The following GPC3 variants were observed in gnomAD, a reference collection of about 807,000 sequenced individuals.
GPC3 encodes the protein glypican 3.
Under a neutral mutation model 34.4 loss-of-function variants are expected in GPC3, and 3 were observed. The ratio of observed to expected loss-of-function variants is 0.09; its 90% CI spans 0.04 to 0.23. The LOEUF (loss-of-function observed/expected upper bound fraction) is 0.23. Ranked by LOEUF, GPC3 falls within the 10% of genes least tolerant of loss-of-function variation. GPC3 has a pLI of 1.00. For synonymous variants in GPC3, 177 were observed against 174.0 expected, an observed-to-expected ratio of 1.02 and a Z score of -0.13; for missense variants, 351 against 445.6, an observed-to-expected ratio of 0.79 and a Z score of 1.91.
intron 2 of GPC3, among the ~76,000 whole-genome samples, chrX:133,774,462 T>C: frequency 9.0e-6 from 1 of 110,988 alleles, no homozygotes; most frequent in East Asian, 2.8e-4. Flanking sequence ...TACTGATAAA[T>C]AACATAGGAA....
chrX:133,791,380 G>A (rs1448449968), intron 2 of GPC3, among the ~76,000 whole-genome samples: 3 of 111,565 alleles, frequency 2.7e-5, no homozygotes, highest in East Asian at 2.8e-4. Flanking sequence ...GACTTTCTGC[G>A]CAAAAGATAC....
chrX:133,759,455 C>CAT (rs1399601001), intron 2 of GPC3, among the ~76,000 whole-genome samples: 1 of 111,590 alleles, frequency 9.0e-6, no homozygotes, highest in Non-Finnish European at 1.9e-5. Flanking sequence ...GAAATAGACC[C>CAT]ACACAAATAC....
chrX:133,862,935 A>T (rs1300681660), intron 2 of GPC3, among the ~76,000 whole-genome samples: 1 of 112,548 alleles, frequency 8.9e-6, no homozygotes, highest in Non-Finnish European at 1.9e-5. Flanking sequence ...GAGTTTGCAT[A>T]CTGTAGAAGC....
At chrX:133,817,888 CT>C (rs978839350) in intron 2 of GPC3, among the ~76,000 whole-genome samples, 15 of 110,263 alleles carry the variant, frequency 1.4e-4, no homozygotes, top group African/African-American at 2.3e-4. Context: ...TCACTAAACA[CT>C]TTTTTTCCCC....
At chrX:133,843,814 T>C (rs1278128234) in intron 2 of GPC3, among the ~76,000 whole-genome samples, 1 of 112,365 alleles carries the variant, frequency 8.9e-6, no homozygotes, top group African/African-American at 3.2e-5. Flanking sequence ...GTGGCAACTA[T>C]GTAACTATGC....
At chrX:133,677,402 T>C (rs1201630205) in intron 5 of GPC3, among the ~76,000 whole-genome samples, 1 of 112,000 alleles carries the variant, frequency 8.9e-6, no homozygotes, top group Non-Finnish European at 1.9e-5. Flanking sequence ...TCAAATATCT[T>C]TGTTATAGGA....
chrX:133,609,209 T>C (rs554497743), intron 6 of GPC3, among the ~76,000 whole-genome samples: 4 of 112,526 alleles, frequency 3.6e-5, no homozygotes, highest in Non-Finnish European at 7.5e-5. Flanking sequence ...GCATTAAAGA[T>C]GCTAAAATGA....
intron 2 of GPC3, among the ~76,000 whole-genome samples, chrX:133,887,147 C>T (rs1311137220): frequency 1.8e-5 from 2 of 112,161 alleles, no homozygotes; most frequent in Non-Finnish European, 3.8e-5. Context: ...GATGGGACTA[C>T]AGGTGCCTGC....
intron 2 of GPC3, among the ~76,000 whole-genome samples, chrX:133,945,749 G>A (rs1408769139): frequency 9.7e-6 from 1 of 103,038 alleles, no homozygotes. Context: ...GAGAGACTCC[G>A]TCTCAAAAAA....
chrX:133,754,267 G>C (rs1180127349), intron 2 of GPC3, 91 bp from the exon 3 acceptor site: 1 of 676,033 alleles, frequency 1.5e-6, no homozygotes, highest in Admixed American at 2.8e-5. Flanking sequence ...CTTCTCTATT[G>C]CTGTGGTGAT....
intron 7 of GPC3, among the ~76,000 whole-genome samples, chrX:133,573,983 G>A (rs2069654338): frequency 8.9e-6 from 1 of 112,251 alleles, no homozygotes; most frequent in Admixed American, 9.5e-5. Flanking sequence ...ATGTTATTAA[G>A]CAAAACCCCA....
intron 2 of GPC3, among the ~76,000 whole-genome samples, chrX:133,820,478 G>C (rs779059541): frequency 7.2e-5 from 8 of 111,695 alleles, no homozygotes; most frequent in Non-Finnish European, 1.5e-4. Context: ...CTGGGACTTT[G>C]AGTGGCAGTA....
chrX:133,536,095 G>C lies in GPC3; in HGVS notation c.*29C>G. ...TCGAGGAAGACCACAGGGTGCTGTA[G>C]GGCAGCACATGTGCTGGGCACCAGG... is the stretch of plus-strand genomic sequence containing the variant. On this transcript the variant is annotated 3_prime_UTR_variant, in exon 8 of 8. Transcript: ENST00000370818. 8.9e-7 allele frequency: 1 copy of C among 1,127,609 alleles called. No homozygotes were observed. The highest frequency in any genetic ancestry group is 1.8e-5 in the South Asian group (1 of 55,153). The allele number at this position is 1,127,609 out of a possible 1,213,427, so 92.9% of individuals were successfully genotyped here.
chrX:133,961,003 G>A (rs2076438979), intron 1 of GPC3, among the ~76,000 whole-genome samples: 1 of 111,650 alleles, frequency 9.0e-6, no homozygotes, highest in East Asian at 2.8e-4. Context: ...TTGGAATGAC[G>A]CCTTTTCCCC....
At chrX:133,668,354 T>C (rs1389992482) in intron 5 of GPC3, among the ~76,000 whole-genome samples, 1 of 111,890 alleles carries the variant, frequency 8.9e-6, no homozygotes, top group African/African-American at 3.3e-5. Context: ...TCACTACCTT[T>C]TCCTGTAGAT....
intron 2 of GPC3, among the ~76,000 whole-genome samples, chrX:133,841,841 G>A (rs1376158168): frequency 1.8e-5 from 2 of 111,979 alleles, no homozygotes; most frequent in Non-Finnish European, 3.8e-5. Context: ...AGCAGGCAGA[G>A]AAATGTGAAA....
chrX:133,849,667 AC>A (rs753782322), intron 2 of GPC3, among the ~76,000 whole-genome samples: 9 of 111,497 alleles, frequency 8.1e-5, no homozygotes, highest in Non-Finnish European at 1.1e-4. Context: ...TGCAGACAGG[AC>A]CCACTTAACT....
rs2069453641 is a variant in GPC3 at position 133,553,352 on chromosome X, TTTAAACACATTA to T, written c.1574-17071_1574-17060del. ...CTGTAGGGCCAATAAGGAATCCATGTTTAAACACATTAAAATGCAATCAACAACAACAACTAA... is the reference window on the plus strand; with the variant it reads ...CTGTAGGGCCAATAAGGAATCCATGTAAATGCAATCAACAACAACAACTAA... On this transcript the variant is annotated intron_variant, in intron 7 of 7. Coordinates refer to ENST00000370818, the MANE Select transcript of GPC3 (RefSeq NM_004484.4). Among the ~76,000 whole-genome samples, 6 of 111,805 alleles carry T rather than the reference TTTAAACACATTA, an allele frequency of 5.4e-5. No individual in the cohort carries two copies. In the South Asian group the frequency reaches 2.3e-3, roughly 42 times the overall value.
chrX:133,726,224 T>C (rs1193816492), intron 3 of GPC3, among the ~76,000 whole-genome samples: 1 of 111,743 alleles, frequency 8.9e-6, no homozygotes, highest in Non-Finnish European at 1.9e-5. Context: ...TGGATTGTTT[T>C]GATCCAAACA....
Sources: allele counts gnomAD v4.1 joint callset (sites outside exome capture counted in the v4.1 genomes callset), GRCh38; gene constraint gnomAD v4.1.1; transcripts MANE v1.5; gene names NCBI Gene and HGNC (gene_info 2026-07-23, HGNC 2026-07-21).